The following UMPS variants were observed in gnomAD, a reference collection of about 807,000 sequenced individuals.
The protein encoded by UMPS is uridine 5'-monophosphate synthase.
In UMPS, 21 loss-of-function variants were observed where a neutral mutation model predicts 38.9. That is an observed-to-expected ratio of 0.54 (90% confidence interval 0.38 to 0.78). The LOEUF (loss-of-function observed/expected upper bound fraction) is 0.78, where lower values mean the gene tolerates loss of function less well. Ranked by LOEUF, UMPS falls within the 30% of genes least tolerant of loss-of-function variation. The pLI is 0.00. For missense variants in UMPS, 533 were observed against 591.6 expected, an observed-to-expected ratio of 0.90 and a Z score of 1.03; for synonymous variants, 208 against 219.3, an observed-to-expected ratio of 0.95 and a Z score of 0.45.
Position 124,745,475 on chromosome 3 carries a change from T to G in UMPS, c.*1391T>G. Reference sequence around the variant, plus strand: ...GCCTCTCTGGTTCAAGCAGTTCTCCTGCCTCAGCCTCCCGAGTAGCTGGGA... The same window carrying G: ...GCCTCTCTGGTTCAAGCAGTTCTCCGGCCTCAGCCTCCCGAGTAGCTGGGA... On this transcript the variant is annotated 3_prime_UTR_variant, in exon 6 of 6. Transcript: ENST00000232607. 2.2e-6 allele frequency: 1 copy of G among 454,032 alleles called. No homozygotes were observed. Among genetic ancestry groups the G allele is most frequent in the Non-Finnish European group, 4.4e-6 (1 of 226,766 alleles). The allele number at this position is 454,032 out of a possible 1,614,324, so 28.1% of individuals were successfully genotyped here.
rs2063590024 is a variant in UMPS, at chr3:124,745,507, G to A, written c.*1423G>A. 1 of 453,914 alleles carries A rather than the reference G, an allele frequency of 2.2e-6. No homozygotes were observed. The highest frequency in any genetic ancestry group is 4.4e-6 in the Non-Finnish European group (1 of 226,774). The allele number at this position is 453,914 out of a possible 1,614,324, so 28.1% of individuals were successfully genotyped here. A position where few individuals can be genotyped will look rare whatever the true frequency, so the allele number is the denominator to read the frequency against. On this transcript the variant is annotated 3_prime_UTR_variant, in exon 6 of 6. Coordinates refer to ENST00000232607, the MANE Select transcript of UMPS (RefSeq NM_000373.4). ...GCCTCCCGAGTAGCTGGGACTACAAGCCTAGGATTTTTAACTCAGGTTTTT... is the reference window on the plus strand; with the variant it reads ...GCCTCCCGAGTAGCTGGGACTACAAACCTAGGATTTTTAACTCAGGTTTTT...
At position 124,730,462 on chromosome 3, in the gene UMPS, G is replaced by T. The variant is rs1407742857; in HGVS notation, c.-10G>T. The T allele has an allele frequency of 6.2e-7, 1 of 1,614,026 alleles. No homozygotes were observed. On this transcript the variant is annotated 5_prime_UTR_variant, in exon 1 of 6. Coordinates refer to ENST00000232607, the MANE Select transcript of UMPS (RefSeq NM_000373.4). ...CCTGGGAATTTGAAGCAAACAGGCA[G>T]CGCGCGACAATGGCGGTCGCTCGTG...
At chr3:124,734,852 C>CT (rs1294131237) in intron 1 of UMPS, among the ~76,000 whole-genome samples, 1 of 152,022 alleles carries the variant, frequency 6.6e-6, no homozygotes, top group Non-Finnish European at 1.5e-5. Flanking sequence ...AACCCCATCT[C>CT]TACTAAAAAT....
intron 1 of UMPS, chr3:124,731,603 G>A (rs904498019): frequency 5.1e-5 from 17 of 332,254 alleles, no homozygotes; most frequent in Non-Finnish European, 9.7e-5. Context: ...TTCTTGCCTC[G>A]GGTGAGCACA....
chr3:124,743,506 C>T (rs1348908800), intron 5 of UMPS, among the ~76,000 whole-genome samples: 1 of 145,048 alleles, frequency 6.9e-6, no homozygotes, highest in Non-Finnish European at 1.5e-5. Flanking sequence ...GGCGTGGTGG[C>T]AGGCGCCTGT....
At position 124,742,282 on chromosome 3, in the gene UMPS, G is replaced by A. The variant is rs2063562385; in HGVS notation, c.1273+16G>A. On this transcript the variant is annotated intron_variant, in intron 5 of 5. Coordinates refer to ENST00000232607, the MANE Select transcript of UMPS (RefSeq NM_000373.4). ...GAAGCAGGAGGTAAATCTGGTCACT[G>A]GTCGTGGCTCTTCCAAAAATGCTTC... The A allele has an allele frequency of 1.9e-6, 3 of 1,588,582 alleles. No individual in the cohort carries two copies. In the Admixed American group the frequency reaches 5.0e-5, roughly 26 times the overall value.
chr3:124,749,028 C>T lies in UMPS; in HGVS notation c.*4944C>T. ...TGCACAGACAGCTCCATAGTCCTGC[C>T]TCCAATGTCCCAACACTGCATTGTC... On this transcript the variant is annotated 3_prime_UTR_variant, in exon 6 of 6. Coordinates refer to ENST00000232607, the MANE Select transcript of UMPS (RefSeq NM_000373.4). 1 of 454,068 alleles carries T rather than the reference C, an allele frequency of 2.2e-6. No individual in the cohort carries two copies. Among genetic ancestry groups the T allele is most frequent in the Non-Finnish European group, 4.4e-6 (1 of 226,784 alleles). The allele number at this position is 454,068 out of a possible 1,614,324, so 28.1% of individuals were successfully genotyped here. A position where few individuals can be genotyped will look rare whatever the true frequency, so the allele number is the denominator to read the frequency against.
chr3:124,740,210 G>A lies in UMPS; in HGVS notation c.1158+11G>A. ...TACACTAGAGCAGCGGTAAGTGGTG[G>A]GGGGACTGGGTGAGAGGGGGCAGGG... is the stretch of plus-strand genomic sequence containing the variant. On this transcript the variant is annotated intron_variant, in intron 4 of 5. Transcript: ENST00000232607. The A allele has an allele frequency of 2.5e-6, 4 of 1,602,872 alleles. No homozygotes were observed. Among genetic ancestry groups the A allele is most frequent in the Non-Finnish European group, 3.4e-6 (4 of 1,173,112 alleles).
chr3:124,736,476 T>G (rs1319518424), intron 2 of UMPS, among the ~76,000 whole-genome samples: 1 of 152,180 alleles, frequency 6.6e-6, no homozygotes, highest in Non-Finnish European at 1.5e-5. Context: ...GTTTTTGTTT[T>G]TTGTTTTTTT....
At chr3:124,736,653 ACT>A (rs1485292806) in intron 2 of UMPS, among the ~76,000 whole-genome samples, 1 of 151,440 alleles carries the variant, frequency 6.6e-6, no homozygotes, top group Non-Finnish European at 1.5e-5. Context: ...CCATAAGAAA[ACT>A]CTTATTTCTA....
At chr3:124,741,869 ATATAT>A (rs1207958351) in intron 4 of UMPS, among the ~76,000 whole-genome samples, 1 of 152,018 alleles carries the variant, frequency 6.6e-6, no homozygotes. Context: ...TAGTAACTTT[ATATAT>A]ATGGAATGAG....
chr3:124,748,442 A>G lies in UMPS; in HGVS notation c.*4358A>G. 1 of 453,862 alleles carries G rather than the reference A, an allele frequency of 2.2e-6. No individual in the cohort carries two copies. The highest frequency in any genetic ancestry group is 4.4e-6 in the Non-Finnish European group (1 of 226,776). 28.1% of individuals were successfully genotyped at this position (453,862 alleles called of 1,614,324 possible). ...CGCAATAGAAATACAAAGAGAAACA[A>G]AATAATTAGAATATTTTTTAACTTC... On this transcript the variant is annotated 3_prime_UTR_variant, in exon 6 of 6. Transcript: ENST00000232607.
chr3:124,738,262 T>A (rs1226722666), intron 3 of UMPS, 23 bp downstream of exon 3: 14 of 1,610,734 alleles, frequency 8.7e-6, no homozygotes, highest in Non-Finnish European at 1.1e-5. Context: ...TTCAGGAATC[T>A]GCAAGAATCA....
At position 124,744,970 on chromosome 3, in the gene UMPS, T is replaced by C. The variant is rs1200973659; in HGVS notation, c.*886T>C. The C allele has an allele frequency of 2.2e-6, 1 of 454,084 alleles. No homozygotes were observed. The highest frequency in any genetic ancestry group is 4.4e-6 in the Non-Finnish European group (1 of 226,780). The allele number at this position is 454,084 out of a possible 1,614,324, so 28.1% of individuals were successfully genotyped here. Reference sequence around the variant, plus strand: ...CAGCTCCTGAGCTAGTATCTGGCTGTTATTTCAACAACCGGAGTTGGGGTT... The same window carrying C: ...CAGCTCCTGAGCTAGTATCTGGCTGCTATTTCAACAACCGGAGTTGGGGTT... On this transcript the variant is annotated 3_prime_UTR_variant, in exon 6 of 6. Transcript: ENST00000232607.
Position 124,746,228 on chromosome 3 carries a change from A to C in UMPS, c.*2144A>C, listed in dbSNP as rs1295446454. On this transcript the variant is annotated 3_prime_UTR_variant, in exon 6 of 6. Transcript: ENST00000232607. Reference sequence around the variant, plus strand: ...ACCCCTGCTAAGGTGATTTGAGGGGAAATGAGAGGAGGCTCAAATAATCAC... The same window carrying C: ...ACCCCTGCTAAGGTGATTTGAGGGGCAATGAGAGGAGGCTCAAATAATCAC... 1 of 453,940 alleles carries C rather than the reference A, an allele frequency of 2.2e-6. No individual in the cohort carries two copies. The highest frequency in any genetic ancestry group is 2.0e-5 in the African/African-American group (1 of 49,972). The allele number at this position is 453,940 out of a possible 1,614,324, so 28.1% of individuals were successfully genotyped here. A position where few individuals can be genotyped will look rare whatever the true frequency, so the allele number is the denominator to read the frequency against.
At chr3:124,732,196 C>T (rs900033286) in intron 1 of UMPS, among the ~76,000 whole-genome samples, 7 of 152,158 alleles carry the variant, frequency 4.6e-5, no homozygotes, top group African/African-American at 1.7e-4. Context: ...GTAATCGAAG[C>T]CTATAGTCAG....
At position 124,748,604 on chromosome 3, in the gene UMPS, C is replaced by G; in HGVS notation, c.*4520C>G. ...AGTCAGATCCTGGTGTGGGCTCTCA[C>G]GTGCTGCTGCTGAATCCCAGGGAAG... On this transcript the variant is annotated 3_prime_UTR_variant, in exon 6 of 6. Transcript: ENST00000232607. The G allele has an allele frequency of 2.2e-6, 1 of 454,020 alleles. No individual in the cohort carries two copies. The highest frequency in any genetic ancestry group is 4.4e-6 in the Non-Finnish European group (1 of 226,778). The allele number at this position is 454,020 out of a possible 1,614,324, so 28.1% of individuals were successfully genotyped here. A position where few individuals can be genotyped will look rare whatever the true frequency, so the allele number is the denominator to read the frequency against.
In UMPS at chr3:124,748,205, C is replaced by T. The variant is rs888283215; in HGVS notation, c.*4121C>T. On this transcript the variant is annotated 3_prime_UTR_variant, in exon 6 of 6. Transcript: ENST00000232607. The stretch of plus-strand genomic sequence containing the variant: ...TTGGCTTCCCAAAGTGCTAGGATTA[C>T]AGGTGTGAGCCACTGCTCCCGGCCT... 8.8e-6 allele frequency: 4 copies of T among 453,396 alleles called. No individual in the cohort carries two copies. Among genetic ancestry groups the T allele is most frequent in the Admixed American group, 4.7e-5 (2 of 42,484 alleles). The allele number at this position is 453,396 out of a possible 1,614,324, so 28.1% of individuals were successfully genotyped here.
chr3:124,730,823 T>G (rs969318515), intron 1 of UMPS, among the ~76,000 whole-genome samples, 196 bp downstream of exon 1: 1 of 152,128 alleles, frequency 6.6e-6, no homozygotes, highest in Non-Finnish European at 1.5e-5. Flanking sequence ...CGTCTGTTCT[T>G]TCACCCACAC....
Sources: allele counts gnomAD v4.1 joint callset (sites outside exome capture counted in the v4.1 genomes callset), GRCh38; gene constraint gnomAD v4.1.1; transcripts MANE v1.5; gene names NCBI Gene and HGNC (gene_info 2026-07-23, HGNC 2026-07-21).